Variants in TUBGCP6 observed in about 807,000 individuals in gnomAD.
TUBGCP6 encodes gamma-tubulin complex component 6.
TUBGCP6 carries 161 observed loss-of-function variants against 175.8 expected under a neutral mutation model. That is an observed-to-expected ratio of 0.92 (90% CI 0.81 to 1.04). The LOEUF (loss-of-function observed/expected upper bound fraction) is 1.04. Among genes scored for constraint, TUBGCP6 ranks in the 50% least tolerant of loss-of-function variants. The pLI, the probability that TUBGCP6 is intolerant of heterozygous loss-of-function variation, is 0.00. For synonymous variants in TUBGCP6, 1,173 were observed against 1,030.5 expected (o/e 1.14, Z -2.65); for missense variants, 2,572 against 2,433.0 (o/e 1.06, Z -1.20).
chr22:50,225,848 G>T lies in TUBGCP6; in HGVS notation c.1929C>A (p.Tyr643Ter). ...GGGCCACCCTCTCCATGCGCCCAAC[G>T]TAGACGGCACAGTCCTTCTCAATCT... is the stretch of plus-strand genomic sequence containing the variant. ...LKEIEKDCAV[Y>*]VGRMERVARH... Residue 643 changes from tyrosine (Y) to a stop codon, truncating the protein, a stop_gained, in exon 10 of 25, where the codon TAC becomes TAA. Coordinates refer to ENST00000248846, the MANE Select transcript of TUBGCP6 (RefSeq NM_020461.4). LOFTEE classifies it high-confidence loss of function. 1.9e-6 allele frequency: 3 copies of T among 1,613,768 alleles called. No individual in the cohort carries two copies. The highest frequency in any genetic ancestry group is 2.5e-6 in the Non-Finnish European group (3 of 1,179,984).
chr22:50,223,014 T>C (rs2064552791), intron 13 of TUBGCP6: 1 of 162,408 alleles, frequency 6.2e-6, no homozygotes, highest in Non-Finnish European at 1.3e-5. Flanking sequence ...AACGCTTTAT[T>C]TGCTGAATTC....
At chr22:50,228,896 C>A (rs1476496104) in intron 4 of TUBGCP6, among the ~76,000 whole-genome samples, 1 of 152,310 alleles carries the variant, frequency 6.6e-6, no homozygotes, top group African/African-American at 2.4e-5. Flanking sequence ...AATGCCCCAT[C>A]ATCCACCTGC....
At chr22:50,219,526 T>A (rs1022506784) in intron 18 of TUBGCP6, 70 bp from the exon 19 acceptor site, 1 of 1,586,164 alleles carries the variant, frequency 6.3e-7, no homozygotes, top group African/African-American at 1.3e-5. Context: ...CCACAGGAGA[T>A]GGAGCACGTG....
Position 50,220,334 on chromosome 22 carries a change from C to A in TUBGCP6, c.4025G>T (p.Ser1342Ile). The change falls in exon 16 of 25, where the codon AGC (serine) becomes ATC (isoleucine). Residue 1342 changes from serine to isoleucine, a missense_variant. By Grantham distance (142) the Ser-to-Ile change is moderately radical. Transcript: ENST00000248846. ...CACGTCTGACACGTTCTCCCCCACGCTGATGCTCCCCTCCCCGCAGCCCGA... is the reference window on the plus strand; with the variant it reads ...CACGTCTGACACGTTCTCCCCCACGATGATGCTCCCCTCCCCGCAGCCCGA... ...PSSGCGEGSI[S>I]VGENVSDVAP... 1 of 1,574,972 alleles carries A rather than the reference C, an allele frequency of 6.3e-7. No homozygotes were observed. Among genetic ancestry groups the A allele is most frequent in the Middle Eastern group, 1.7e-4 (1 of 5,888 alleles).
At chr22:50,223,222 T>C (rs1397170125) in intron 13 of TUBGCP6, 4 of 152,902 alleles carry the variant, frequency 2.6e-5, no homozygotes, top group East Asian at 3.9e-4. Context: ...CATAAATGCA[T>C]ACACGGACAC....
rs144099155 is a variant in TUBGCP6, at chr22:50,222,557, G to A, written c.2306C>T (p.Ala769Val). Residue 769 changes from alanine to valine, a missense_variant, in exon 14 of 25, where the codon GCA (alanine) becomes GTA (valine). Coordinates refer to ENST00000248846, the MANE Select transcript of TUBGCP6 (RefSeq NM_020461.4). ...CTTCTGCTCCCGACGAGCTGCCTCT[G>A]CAGAGAGCTTGCTGTAGTGGTCGAC... ...ALVDHYSKLS[A>V]EAARREQKAL... is the part of the protein sequence containing the mutation. 3.1e-6 allele frequency: 5 copies of A among 1,612,956 alleles called. No individual in the cohort carries two copies. The African/African-American group carries it at 6.7e-5, about 22-fold the overall frequency.
chr22:50,227,055 C>T lies in TUBGCP6; in HGVS notation c.1435G>A (p.Val479Ile), dbSNP rs531798161. Residue 479 changes from valine to isoleucine, a missense_variant, in exon 6 of 25, where the codon GTT (valine) becomes ATT (isoleucine). Coordinates refer to ENST00000248846, the MANE Select transcript of TUBGCP6 (RefSeq NM_020461.4). ...CAGGTGCCCGGGAGCACAGCGCCAA[C>T]GCCACAGAGCTCGGCCAGGTACCTA... ...QLRYLAELCG[V>I]GAVLPGTCGG... is the part of the protein sequence containing the mutation. 66 of 1,612,112 alleles carry T rather than the reference C, an allele frequency of 4.1e-5. 1 individual carries two copies. The South Asian group carries it at 6.2e-4, about 15-fold the overall frequency.
chr22:50,218,111 C>G lies in TUBGCP6; in HGVS notation c.5175G>C (p.Leu1725=), dbSNP rs1319700675. The G allele has an allele frequency of 3.7e-6, 6 of 1,612,284 alleles. No homozygotes were observed. The highest frequency in any genetic ancestry group is 1.1e-5 in the South Asian group (1 of 91,068). The change falls in exon 24 of 25, where the codon CTG becomes CTC. Residue 1725 remains leucine (L), a synonymous_variant. Coordinates refer to ENST00000248846, the MANE Select transcript of TUBGCP6 (RefSeq NM_020461.4). ...EYLHKAVFRG[L]LTEKAAPVMN... ...TGACGGGCGCCGCCTTCTCCGTGAG[C>G]AGGCCCCTGGGGGGAAGCAGTGCTG... is the stretch of plus-strand genomic sequence containing the variant.
Position 50,244,393 on chromosome 22 carries a change from G to C in TUBGCP6, c.67C>G (p.Leu23Val). 6.2e-7 allele frequency: 1 copy of C among 1,613,276 alleles called. No homozygotes were observed. The highest frequency in any genetic ancestry group is 1.7e-5 in the Admixed American group (1 of 60,024). ...EALLPAAKTHLGQRSVNRKRA... is the reference protein window; with the variant it reads ...EALLPAAKTHVGQRSVNRKRA... The stretch of plus-strand genomic sequence containing the variant: ...TTCCGGTTCACACTGCGCTGGCCCA[G>C]GTGAGTCTTGGCAGCCGGCAGGAGG... The change falls in exon 1 of 25, where the codon CTG becomes GTG. Residue 23 changes from leucine (L) to valine (V), a missense_variant. Physicochemically the swap from Leu to Val is conservative, Grantham distance 32. Transcript: ENST00000248846.
Position 50,220,300 on chromosome 22 carries a change from G to A in TUBGCP6, c.4059C>T (p.Thr1353=), listed in dbSNP as rs1309409067. Residue 1353 remains threonine, a synonymous_variant, in exon 16 of 25, where the codon ACC becomes ACT. Transcript: ENST00000248846. ...VGENVSDVAP[T]QPWWPNTPGD... is the part of the protein sequence containing the mutation. The stretch of plus-strand genomic sequence containing the variant: ...CCGGGGTGTTGGGCCACCATGGTTG[G>A]GTGGGAGCCACGTCTGACACGTTCT... 1.9e-6 allele frequency: 3 copies of A among 1,576,334 alleles called. No individual in the cohort carries two copies. In the South Asian group the frequency reaches 3.5e-5, roughly 18 times the overall value.
At position 50,243,833 on chromosome 22, in the gene TUBGCP6, G is replaced by GTC; in HGVS notation, c.625_626dup (p.Asp209GlufsTer59). On this transcript the variant is annotated frameshift_variant, in exon 1 of 25. Transcript: ENST00000248846. LOFTEE classifies it high-confidence loss of function. ...GGGCCCCGAAGAGCGAGACCCGGGTGTCTCTCTCGAACCTGTCACCACAAG... is the reference window on the plus strand; with the variant it reads ...GGGCCCCGAAGAGCGAGACCCGGGTGTCTCTCTCTCGAACCTGTCACCACAAG... 1 of 1,613,624 alleles carries GTC rather than the reference G, an allele frequency of 6.2e-7. No individual in the cohort carries two copies. Among genetic ancestry groups the GTC allele is most frequent in the Non-Finnish European group, 8.5e-7 (1 of 1,179,994 alleles).
chr22:50,221,252 G>A lies in TUBGCP6; in HGVS notation c.3107C>T (p.Thr1036Ile). 1 of 1,614,106 alleles carries A rather than the reference G, an allele frequency of 6.2e-7. No homozygotes were observed. ...FGQVSGGGLP[T>I]GDYASEIAPT... ...AGCTATTTCAGAAGCGTAGTCCCCT[G>A]TGGGAAGACCACCCCCTGACACCTG... The change falls in exon 16 of 25, where the codon ACA (threonine) becomes ATA (isoleucine). Residue 1036 changes from threonine (T) to isoleucine (I), a missense_variant. Physicochemically the swap from Thr to Ile is moderately conservative, Grantham distance 89. Coordinates refer to ENST00000248846, the MANE Select transcript of TUBGCP6 (RefSeq NM_020461.4).
In TUBGCP6 at chr22:50,220,778, G is replaced by A; in HGVS notation, c.3581C>T (p.Ala1194Val). The A allele has an allele frequency of 6.2e-7, 1 of 1,604,104 alleles. No homozygotes were observed. Among genetic ancestry groups the A allele is most frequent in the Non-Finnish European group, 8.5e-7 (1 of 1,177,118 alleles). ...CACAGACTCCCCCAAGCTGATGCTG[G>A]CATCAGACACGTGTCCATGGGTGTT... ...RWNTHGHVSD[A>V]SISLGESVSD... Residue 1194 changes from alanine to valine, a missense_variant, in exon 16 of 25, where the codon GCC becomes GTC. Ala to Val is a moderately conservative substitution (Grantham distance 64, BLOSUM62 0). Transcript: ENST00000248846.
Position 50,219,092 on chromosome 22 carries a change from G to A in TUBGCP6, c.4602C>T (p.Ser1534=), listed in dbSNP as rs766426374. ...CCTTCTCAAAGAGCAGGTCGCTGAGGGACTGGGCGAACTCGCCGTCCTCCA... is the reference window on the plus strand; with the variant it reads ...CCTTCTCAAAGAGCAGGTCGCTGAGAGACTGGGCGAACTCGCCGTCCTCCA... ...LLMEDGEFAQ[S]LSDLLFEKLG... Residue 1534 remains serine, a synonymous_variant, in exon 20 of 25, where the codon TCC becomes TCT. Coordinates refer to ENST00000248846, the MANE Select transcript of TUBGCP6 (RefSeq NM_020461.4). 16 of 1,612,740 alleles carry A rather than the reference G, an allele frequency of 9.9e-6. No individual in the cohort carries two copies. The highest frequency in any genetic ancestry group is 1.2e-5 in the Non-Finnish European group (14 of 1,179,978).
rs767690671 is a variant in TUBGCP6 at position 50,222,583 on chromosome 22, C to T, written c.2280G>A (p.Leu760=). ...CAGAGAGCTTGCTGTAGTGGTCGAC[C>T]AGTGCCTGCCTGAAGCCACACACCA... is the stretch of plus-strand genomic sequence containing the variant. ...EELERKARQA[L]VDHYSKLSAE... The change falls in exon 14 of 25, where the codon CTG becomes CTA. Residue 760 remains leucine (L), a synonymous_variant. Transcript: ENST00000248846. 4.3e-6 allele frequency: 7 copies of T among 1,611,478 alleles called. No individual in the cohort carries two copies.
intron 2 of TUBGCP6, among the ~76,000 whole-genome samples, chr22:50,239,420 G>A (rs1395963675): frequency 6.6e-6 from 1 of 152,100 alleles, no homozygotes; most frequent in East Asian, 1.9e-4. Flanking sequence ...CAAGTGATCT[G>A]CCCGCCTCAG....
intron 3 of TUBGCP6, among the ~76,000 whole-genome samples, chr22:50,230,074 C>T (rs1194196518): frequency 6.6e-6 from 1 of 152,026 alleles, no homozygotes; most frequent in Non-Finnish European, 1.5e-5. Context: ...AGGTTACAGC[C>T]GCAAATACCC....
At position 50,219,994 on chromosome 22, in the gene TUBGCP6, G is replaced by A; in HGVS notation, c.4130C>T (p.Thr1377Ile). ...AGGCCAATTTGGAGAGAGGTCCTCA[G>A]TGTCCCCGCTCCTCCCAGGGCCTGT... ...EELGPGRSGD[T>I]EDLSPNWPLN... The change falls in exon 17 of 25, where the codon ACT becomes ATT. Residue 1377 changes from threonine (T) to isoleucine (I), a missense_variant. Physicochemically the swap from Thr to Ile is moderately conservative, Grantham distance 89. Transcript: ENST00000248846. 6.2e-7 allele frequency: 1 copy of A among 1,613,958 alleles called. No homozygotes were observed. Among genetic ancestry groups the A allele is most frequent in the Admixed American group, 1.7e-5 (1 of 60,002 alleles).
At chr22:50,220,055 G>A (rs1218611462) in intron 16 of TUBGCP6, 40 bp from the exon 17 acceptor site, 3 of 1,607,182 alleles carry the variant, frequency 1.9e-6, no homozygotes, top group Non-Finnish European at 1.7e-6. Context: ...TCAGGGCCGA[G>A]TGCCTGTGGC....
Sources: allele counts gnomAD v4.1 joint callset (sites outside exome capture counted in the v4.1 genomes callset), GRCh38; gene constraint gnomAD v4.1.1; transcripts MANE v1.5; gene names NCBI Gene and HGNC (gene_info 2026-07-23, HGNC 2026-07-21).